Variants in MYO1H observed in about 807,000 individuals in gnomAD.
MYO1H encodes the protein myosin IH.
MYO1H carries 118 observed loss-of-function variants against 149.3 expected under a neutral mutation model. That is an observed-to-expected ratio of 0.79 (90% CI 0.68 to 0.92). The LOEUF (loss-of-function observed/expected upper bound fraction) is 0.92. MYO1H is among the 40% of genes least tolerant of loss of function. MYO1H has a pLI of 0.00. For missense variants in MYO1H, 1,212 were observed against 1,280.7 expected, an observed-to-expected ratio of 0.95 and a Z score of 0.82; for synonymous variants, 447 against 465.2, an observed-to-expected ratio of 0.96 and a Z score of 0.50.
At chr12:109,398,988 G>A (rs1870037360) in intron 5 of MYO1H, among the ~76,000 whole-genome samples, 1 of 152,014 alleles carries the variant, frequency 6.6e-6, no homozygotes, top group African/African-American at 2.4e-5. Flanking sequence ...GCTAAGGCAA[G>A]CAGGAAAGGA....
chr12:109,354,830 G>C (rs978697859), intron 1 of MYO1H, among the ~76,000 whole-genome samples: 2 of 152,112 alleles, frequency 1.3e-5, no homozygotes, highest in Non-Finnish European at 2.9e-5. Context: ...AGGAATCTTA[G>C]GGACTAGCAG....
chr12:109,363,176 C>T (rs184180786), intron 1 of MYO1H, among the ~76,000 whole-genome samples: 1 of 152,204 alleles, frequency 6.6e-6, no homozygotes, highest in South Asian at 2.1e-4. Flanking sequence ...AAATTACATG[C>T]TAGTTAAATG....
chr12:109,317,497 A>G, the MYO1H span, among the ~76,000 whole-genome samples: 1 of 152,232 alleles, frequency 6.6e-6, no homozygotes, highest in African/African-American at 2.4e-5. Flanking sequence ...ATATATTCTC[A>G]GAGAAAAATA....
intron 1 of MYO1H, among the ~76,000 whole-genome samples, chr12:109,375,571 T>C (rs1398329373): frequency 6.6e-6 from 1 of 152,220 alleles, no homozygotes; most frequent in African/African-American, 2.4e-5. Flanking sequence ...CTTCCCCAAC[T>C]CTATAGCTTT....
At chr12:109,378,603 G>A (rs890554924) in intron 1 of MYO1H, among the ~76,000 whole-genome samples, 2 of 152,138 alleles carry the variant, frequency 1.3e-5, no homozygotes, top group Admixed American at 6.6e-5. Flanking sequence ...GCAGGCATGC[G>A]CCACTGTGCC....
chr12:109,332,128 G>C, the MYO1H span, among the ~76,000 whole-genome samples: 3 of 152,196 alleles, frequency 2.0e-5, no homozygotes, highest in African/African-American at 7.2e-5. Flanking sequence ...ATCTAACAGA[G>C]AGCAGTAGGA....
intron 1 of MYO1H, among the ~76,000 whole-genome samples, chr12:109,373,155 A>G (rs1426043660): frequency 1.3e-5 from 2 of 152,122 alleles, no homozygotes; most frequent in Non-Finnish European, 2.9e-5. Flanking sequence ...TTCCTTGGAA[A>G]TAGTAATCAG....
chr12:109,443,783 GTC>G, intron 28 of MYO1H, 134 bp downstream of exon 28: 1 of 915,936 alleles, frequency 1.1e-6, no homozygotes, highest in Non-Finnish European at 1.6e-6. Flanking sequence ...CACACCTGTA[GTC>G]TCAGCTACTC....
intron 1 of MYO1H, chr12:109,359,578 C>A (rs1868695203): frequency 6.6e-6 from 1 of 152,168 alleles, no homozygotes; most frequent in Admixed American, 6.5e-5. Flanking sequence ...TGGGCCATCT[C>A]TTGTTCTTTG....
the MYO1H span, among the ~76,000 whole-genome samples, chr12:109,320,254 C>T: frequency 6.6e-6 from 1 of 151,962 alleles, no homozygotes; most frequent in African/African-American, 2.4e-5. Context: ...TCTGAGGCTG[C>T]AGAGAGCTAT....
intron 21 of MYO1H, among the ~76,000 whole-genome samples, chr12:109,435,442 G>C (rs187038551): frequency 6.6e-6 from 1 of 152,208 alleles, no homozygotes; most frequent in Non-Finnish European, 1.5e-5. Context: ...ACTTGTCTGC[G>C]TGTCTGATGT....
At chr12:109,344,369 GAAAT>G (rs1418741674), upstream of MYO1H, among the ~76,000 whole-genome samples, 3 of 152,202 alleles carry the variant, frequency 2.0e-5, no homozygotes, top group South Asian at 2.1e-4. Context: ...ATCTGAAAAT[GAAAT>G]AAATCTTACA....
the MYO1H span, among the ~76,000 whole-genome samples, chr12:109,326,048 G>A: frequency 6.6e-6 from 1 of 152,134 alleles, no homozygotes; most frequent in South Asian, 2.1e-4. Context: ...TTGGGTAAAG[G>A]CCCTGTCTAG....
At chr12:109,420,482 G>A (rs1044121621) in intron 15 of MYO1H, among the ~76,000 whole-genome samples, 1 of 152,158 alleles carries the variant, frequency 6.6e-6, no homozygotes, top group African/African-American at 2.4e-5. Flanking sequence ...GGAAGGTGAA[G>A]GGGAAGCAGG....
At chr12:109,370,129 G>A (rs559052645) in intron 1 of MYO1H, among the ~76,000 whole-genome samples, 1 of 152,238 alleles carries the variant, frequency 6.6e-6, no homozygotes, top group Non-Finnish European at 1.5e-5. Flanking sequence ...AACTCAAGAT[G>A]AGATTTGGGT....
At chr12:109,448,199 T>C (rs962943810) in exon 32 of MYO1H, 1 of 152,260 alleles carries the variant, frequency 6.6e-6, no homozygotes, top group African/African-American at 2.4e-5. Flanking sequence ...CCCAGCAACA[T>C]GCTGTAGGAA....
At chr12:109,331,866 G>A in the MYO1H span, among the ~76,000 whole-genome samples, 1 of 152,178 alleles carries the variant, frequency 6.6e-6, no homozygotes, top group East Asian at 1.9e-4. Context: ...TGTGTATACA[G>A]CCTAACCCTG....
rs897872811 is a variant in MYO1H at position 109,350,322 on chromosome 12, C to T, written c.12+2350C>T. ...AAATCTCATCTTGAATTGTAGCTCCCATAATTCCCTCGTGTTGTGGGAGGG... is the reference window on the plus strand; with the variant it reads ...AAATCTCATCTTGAATTGTAGCTCCTATAATTCCCTCGTGTTGTGGGAGGG... On this transcript the variant is annotated intron_variant, in intron 1 of 31. Coordinates refer to ENST00000310903, the Ensembl canonical transcript of MYO1H. Among the ~76,000 whole-genome samples the T allele has an allele frequency of 3.3e-4, 50 of 152,268 alleles. 1 individual carries two copies. Among genetic ancestry groups the T allele is most frequent in the Admixed American group, 2.5e-3 (38 of 15,302 alleles).
chr12:109,335,590 T>C, the MYO1H span, among the ~76,000 whole-genome samples: 2 of 150,772 alleles, frequency 1.3e-5, no homozygotes, highest in African/African-American at 2.4e-5. Flanking sequence ...AAAAAAAAAC[T>C]AATATTTTGC....
Sources: allele counts gnomAD v4.1 joint callset (sites outside exome capture counted in the v4.1 genomes callset), GRCh38; gene constraint gnomAD v4.1.1; transcripts MANE v1.5; gene names NCBI Gene and HGNC (gene_info 2026-07-23, HGNC 2026-07-21).